Variants in C1QTNF6 observed in about 807,000 individuals in gnomAD.
C1QTNF6 encodes the protein complement C1q tumor necrosis factor-related protein 6.
A neutral mutation model predicts 20.7 loss-of-function variants in C1QTNF6; 17 were observed. The ratio of observed to expected loss-of-function variants is 0.82; its 90% CI spans 0.56 to 1.23. The LOEUF (loss-of-function observed/expected upper bound fraction) is 1.23, where lower values mean the gene tolerates loss of function less well. C1QTNF6 is among the 50% of genes most tolerant of loss of function. The pLI is 0.00. For synonymous variants in C1QTNF6, 130 were observed against 156.3 expected (o/e 0.83, Z 1.25); for missense variants, 329 against 389.7 (o/e 0.84, Z 1.31).
In C1QTNF6 at chr22:37,184,321, A is replaced by G. The variant is rs1370636980; in HGVS notation, c.289+897T>C. The G allele has an allele frequency of 4.2e-6, 3 of 715,468 alleles. No individual in the cohort carries two copies. In the African/African-American group the frequency reaches 5.2e-5, roughly 13 times the overall value. 44.3% of individuals were successfully genotyped at this position (715,468 alleles called of 1,614,324 possible). On this transcript the variant is annotated intron_variant, in intron 2 of 2. Transcript: ENST00000337843. The surrounding 1 kb of genome is among the most constrained non-coding windows in gnomAD (Gnocchi z 4.0). ...TTTCCCCATCTGCAAAGTGGGAGGA[A>G]TAAGAAAATATCGACCTCACGGGCT...
intron 2 of C1QTNF6, among the ~76,000 whole-genome samples, chr22:37,194,163 A>C (rs2858489): frequency 0.28 from 42,956 of 151,888 alleles, 6,906 homozygotes; most frequent in East Asian, 0.58. Flanking sequence ...CAGAAACCTC[A>C]TCTAGTTTTT....
At chr22:37,185,644 C>T (rs1358893140) in intron 1 of C1QTNF6, 189 bp from the exon 2 acceptor site, 2 of 1,292,822 alleles carry the variant, frequency 1.5e-6, no homozygotes, top group African/African-American at 3.1e-5. Flanking sequence ...TCCCCAAGAT[C>T]GGGAGGAGAC....
At chr22:37,191,267 A>G (rs1193987696), upstream of C1QTNF6, among the ~76,000 whole-genome samples, 1 of 152,198 alleles carries the variant, frequency 6.6e-6, no homozygotes, top group Non-Finnish European at 1.5e-5. Context: ...AATTAACATC[A>G]TAACAATTAT....
Position 37,184,255 on chromosome 22 carries a change from T to C in C1QTNF6, c.289+963A>G. The C allele has an allele frequency of 1.5e-6, 1 of 679,664 alleles. No homozygotes were observed. The highest frequency in any genetic ancestry group is 1.6e-5 in the South Asian group (1 of 61,562). The allele number at this position is 679,664 out of a possible 1,614,324, so 42.1% of individuals were successfully genotyped here. A position where few individuals can be genotyped will look rare whatever the true frequency, so the allele number is the denominator to read the frequency against. On this transcript the variant is annotated intron_variant, in intron 2 of 2. Transcript: ENST00000337843. The surrounding 1 kb of genome is among the most constrained non-coding windows in gnomAD (Gnocchi z 4.0). ...CCGGGGAGAGCTCAGGAACAAATCC[T>C]GGCTCCATCCCTGACAGCTGTGTGG...
intron 1 of C1QTNF6, chr22:37,195,826 T>C (rs1925102544): frequency 6.6e-6 from 1 of 152,232 alleles, no homozygotes; most frequent in Non-Finnish European, 1.5e-5. Flanking sequence ...TCTTTTAGCA[T>C]GCTAATGCAT....
intron 2 of C1QTNF6, among the ~76,000 whole-genome samples, chr22:37,183,257 G>C (rs1569063821): frequency 6.6e-6 from 1 of 152,206 alleles, no homozygotes; most frequent in East Asian, 1.9e-4. Context: ...GTGTGACCTC[G>C]GGCACTCCAC....
chr22:37,195,064 G>T (rs1031777421), intron 2 of C1QTNF6, among the ~76,000 whole-genome samples: 10 of 152,218 alleles, frequency 6.6e-5, no homozygotes, highest in African/African-American at 2.4e-4. Flanking sequence ...GGAGAAGAAA[G>T]CTCCCCATGT....
chr22:37,183,011 G>A, intron 2 of C1QTNF6: 2 of 884,194 alleles, frequency 2.3e-6, no homozygotes, highest in East Asian at 1.2e-4. Context: ...TCTGTCCCCA[G>A]GGTGACTTGA....
rs1924124503 is a variant in C1QTNF6 at position 37,184,581 on chromosome 22, C to T, written c.289+637G>A. 1.5e-6 allele frequency: 1 copy of T among 661,116 alleles called. No homozygotes were observed. Among genetic ancestry groups the T allele is most frequent in the South Asian group, 1.7e-5 (1 of 60,472 alleles). The allele number at this position is 661,116 out of a possible 1,614,324, so 41.0% of individuals were successfully genotyped here. ...CACCTGGACAGGCCCCACAGGGCTG[C>T]ATGCTCCGACCCTCGGCCCCCGCTG... On this transcript the variant is annotated intron_variant, in intron 2 of 2. Transcript: ENST00000337843. This position sits in a 1 kb window ranked among gnomAD's most constrained non-coding sequence, Gnocchi z 4.0.
At chr22:37,191,192 G>C (rs576759105), upstream of C1QTNF6, among the ~76,000 whole-genome samples, 1 of 152,274 alleles carries the variant, frequency 6.6e-6, no homozygotes, top group East Asian at 1.9e-4. Context: ...AAGACTTAGA[G>C]CAGTCATGGT....
intron 1 of C1QTNF6, chr22:37,185,667 G>T (rs1308355332): frequency 1.7e-5 from 22 of 1,267,178 alleles, no homozygotes; most frequent in Non-Finnish European, 2.2e-5. Context: ...GCAGGGCAGG[G>T]CCTGCATGCT....
upstream of C1QTNF6, among the ~76,000 whole-genome samples, chr22:37,190,063 CTGTT>C (rs1216230610): frequency 6.6e-5 from 10 of 152,280 alleles, no homozygotes; most frequent in East Asian, 1.7e-3. Flanking sequence ...CAAGAGATGA[CTGTT>C]TGGTTCACAG....
rs1924203672 is a variant in C1QTNF6 at position 37,185,281 on chromosome 22, A to C, written c.226T>G (p.Ser76Ala). The C allele has an allele frequency of 6.2e-7, 1 of 1,610,086 alleles. No individual in the cohort carries two copies. The highest frequency in any genetic ancestry group is 8.5e-7 in the Non-Finnish European group (1 of 1,177,534). Reference protein sequence around the residue: ...LDPAHVSSASSSGRPHALPEI... With the variant: ...LDPAHVSSASASGRPHALPEI... ...GGCAGGGCGTGGGGGCGGCCGGAGGAAGAGGCTGAGGATACATGGGCAGGA... is the reference window on the plus strand; with the variant it reads ...GGCAGGGCGTGGGGGCGGCCGGAGGCAGAGGCTGAGGATACATGGGCAGGA... The change falls in exon 2 of 3, where the codon TCC becomes GCC. Residue 76 changes from serine to alanine, a missense_variant. Transcript: ENST00000337843.
At chr22:37,190,214 A>G (rs1350606109), upstream of C1QTNF6, among the ~76,000 whole-genome samples, 1 of 152,218 alleles carries the variant, frequency 6.6e-6, no homozygotes, top group African/African-American at 2.4e-5. Context: ...TTAAAAACAA[A>G]TCATGGTAGG....
chr22:37,199,138 T>C (rs896830782), upstream of C1QTNF6, among the ~76,000 whole-genome samples: 1 of 152,146 alleles, frequency 6.6e-6, no homozygotes, highest in African/African-American at 2.4e-5. Flanking sequence ...GACAGAACAG[T>C]GGCAGAGCCT....
At position 37,183,642 on chromosome 22, in the gene C1QTNF6, A is replaced by AG. The variant is rs750256944; in HGVS notation, c.290-908dup. On this transcript the variant is annotated intron_variant, in intron 2 of 2. Coordinates refer to ENST00000337843, the MANE Select transcript of C1QTNF6 (RefSeq NM_031910.4). ...GGCTAGAAGGCCCTGTGTTTTCCAC[A>AG]GGGGGGGAAGGGGACAGAAAGGAGG... Among the ~76,000 whole-genome samples the AG allele has an allele frequency of 1.6e-3, 246 of 152,270 alleles. 1 individual carries two copies. Among genetic ancestry groups the AG allele is most frequent in the Non-Finnish European group, 2.8e-3 (188 of 68,002 alleles).
intron 2 of C1QTNF6, among the ~76,000 whole-genome samples, chr22:37,193,615 G>A (rs576181941): frequency 7.9e-5 from 12 of 152,272 alleles, no homozygotes; most frequent in Middle Eastern, 3.4e-3. Context: ...GACTCTAGCC[G>A]GGACAAACAG....
chr22:37,186,280 C>T (rs1924333122), intron 1 of C1QTNF6, among the ~76,000 whole-genome samples: 1 of 152,208 alleles, frequency 6.6e-6, no homozygotes, highest in Admixed American at 6.5e-5. Context: ...GTTGGAGGGA[C>T]GTGATGCTGA....
chr22:37,183,410 G>A (rs911964654), intron 2 of C1QTNF6, among the ~76,000 whole-genome samples: 5 of 152,230 alleles, frequency 3.3e-5, no homozygotes, highest in Admixed American at 1.3e-4. Flanking sequence ...CACCCAGCAC[G>A]GCTGGCCCAT....
Sources: gnomAD v4.1 joint callset for allele counts (sites outside exome capture counted in the v4.1 genomes callset) on GRCh38, gnomAD v4.1.1 for gene constraint, Gnocchi (gnomAD v3.1) non-coding constraint, MANE v1.5 for transcripts, NCBI Gene and HGNC (gene_info 2026-07-23, HGNC 2026-07-21) for gene names.